MDGA2: variants seen among roughly 807,000 people sequenced by gnomAD.
The protein encoded by MDGA2 is MAM domain containing glycosylphosphatidylinositol anchor 2, also known as MAM domain-containing glycosylphosphatidylinositol anchor protein 2.
MDGA2 carries 40 observed loss-of-function variants against 117.8 expected under a neutral mutation model. That is an observed-to-expected ratio of 0.34 (90% confidence interval 0.26 to 0.44). The LOEUF is 0.44. Among genes scored for constraint, MDGA2 ranks in the 20% least tolerant of loss-of-function variants. The pLI, the probability that MDGA2 is intolerant of heterozygous loss-of-function variation, is 1.00. For missense variants in MDGA2, 1,123 were observed against 1,250.6 expected, an observed-to-expected ratio of 0.90 and a Z score of 1.54; for synonymous variants, 452 against 439.0, an observed-to-expected ratio of 1.03 and a Z score of -0.37.
chr14:47,323,017 A>AGGCT (rs1222737113), intron 1 of MDGA2, among the ~76,000 whole-genome samples: 1 of 151,676 alleles, frequency 6.6e-6, no homozygotes, highest in Non-Finnish European at 1.5e-5. Flanking sequence ...ATGGTGCCTA[A>AGGCT]GGCTCTTTCA....
In MDGA2 at chr14:47,545,747, GA is replaced by G. The variant is rs1015581019; in HGVS notation, c.280+128769del. Among the ~76,000 whole-genome samples the G allele has an allele frequency of 4.6e-5, 7 of 150,574 alleles. No homozygotes were observed. In the East Asian group the frequency reaches 5.9e-4, roughly 13 times the overall value. ...ATCAAGTATTTAATAATGATAATAAGAAAAAAAAACAGCAGCAGTCTCATGT... is the reference window on the plus strand; with the variant it reads ...ATCAAGTATTTAATAATGATAATAAGAAAAAAAACAGCAGCAGTCTCATGT... On this transcript the variant is annotated intron_variant, in intron 1 of 16. Transcript: ENST00000399232.
At chr14:47,624,056 C>T (rs1463808024) in intron 1 of MDGA2, among the ~76,000 whole-genome samples, 1 of 152,202 alleles carries the variant, frequency 6.6e-6, no homozygotes, top group Non-Finnish European at 1.5e-5. Flanking sequence ...ACTGATTTTC[C>T]TTTAATGTCT....
At chr14:47,497,867 A>G (rs534980883) in intron 1 of MDGA2, among the ~76,000 whole-genome samples, 45 of 152,244 alleles carry the variant, frequency 3.0e-4, no homozygotes, top group African/African-American at 1.1e-3. Context: ...CTGTTACCCA[A>G]TCAGTAACTT....
At chr14:46,849,573 G>A (rs1880978432) in intron 15 of MDGA2, among the ~76,000 whole-genome samples, 2 of 151,564 alleles carry the variant, frequency 1.3e-5, no homozygotes, top group African/African-American at 2.4e-5. Flanking sequence ...TAAGTAATGT[G>A]CCTTAGCCAA....
chr14:47,121,300 G>A (rs1207051463), intron 5 of MDGA2, among the ~76,000 whole-genome samples: 1 of 151,998 alleles, frequency 6.6e-6, no homozygotes, highest in East Asian at 1.9e-4. Context: ...CATTAAGAAA[G>A]TAAATATAGA....
chr14:47,350,345 T>C (rs1339308968), intron 1 of MDGA2, among the ~76,000 whole-genome samples: 1 of 152,138 alleles, frequency 6.6e-6, no homozygotes, highest in African/African-American at 2.4e-5. Flanking sequence ...ACAGGGCATT[T>C]TCAAGGGTGG....
At chr14:46,954,513 CA>C (rs1885489983) in intron 9 of MDGA2, among the ~76,000 whole-genome samples, 1 of 151,920 alleles carries the variant, frequency 6.6e-6, no homozygotes, top group Non-Finnish European at 1.5e-5. Context: ...GTAGAGACTC[CA>C]GGGGAGAATA....
intron 1 of MDGA2, among the ~76,000 whole-genome samples, chr14:47,342,133 G>A (rs572736228): frequency 1.1e-4 from 16 of 152,134 alleles, no homozygotes; most frequent in Non-Finnish European, 2.1e-4. Context: ...TTACAGGCGT[G>A]AGCCACTGCG....
chr14:47,262,097 CA>C (rs1439204385), intron 2 of MDGA2, among the ~76,000 whole-genome samples: 1 of 152,086 alleles, frequency 6.6e-6, no homozygotes, highest in Non-Finnish European at 1.5e-5. Context: ...ACTACAAAAC[CA>C]GGCTACGACA....
intron 1 of MDGA2, among the ~76,000 whole-genome samples, chr14:47,352,589 C>T (rs985563548): frequency 1.9e-4 from 29 of 152,154 alleles, no homozygotes; most frequent in African/African-American, 6.8e-4. Context: ...GACTTGCTCA[C>T]CTAATCTCAT....
intron 1 of MDGA2, among the ~76,000 whole-genome samples, chr14:47,557,052 T>A (rs1895697789): frequency 6.6e-6 from 1 of 152,154 alleles, no homozygotes; most frequent in African/African-American, 2.4e-5. Flanking sequence ...CATAGCTTCT[T>A]TGGGAGGGAA....
chr14:47,003,432 G>A (rs1198076271), intron 8 of MDGA2, among the ~76,000 whole-genome samples: 5 of 151,780 alleles, frequency 3.3e-5, no homozygotes, highest in African/African-American at 1.2e-4. Context: ...TTCAACAGCA[G>A]AGCATGTTAA....
At chr14:46,988,835 G>A (rs986595404) in intron 8 of MDGA2, among the ~76,000 whole-genome samples, 1 of 151,862 alleles carries the variant, frequency 6.6e-6, no homozygotes, top group African/African-American at 2.4e-5. Flanking sequence ...ATTTTCAACT[G>A]TTTCTCCACC....
intron 15 of MDGA2, among the ~76,000 whole-genome samples, chr14:46,853,209 A>G (rs1881131328): frequency 6.6e-6 from 1 of 151,964 alleles, no homozygotes; most frequent in Non-Finnish European, 1.5e-5. Flanking sequence ...TAAATTAGAC[A>G]TTGCAGAAGA....
chr14:47,069,530 A>T (rs180805674), intron 6 of MDGA2, among the ~76,000 whole-genome samples: 1 of 152,338 alleles, frequency 6.6e-6, no homozygotes, highest in Admixed American at 6.5e-5. Flanking sequence ...GACTGTTCTC[A>T]TTCACATCAC....
rs1001003979 is a variant in MDGA2, at chr14:47,301,390, G to C, written c.420+21C>G. On this transcript the variant is annotated intron_variant, in intron 2 of 16. Coordinates refer to ENST00000399232, the MANE Select transcript of MDGA2 (RefSeq NM_001113498.3). ...GAAAAGTCAGAGAATGTTTTCTCCA[G>C]TGTCACAGTTCGGGACTCACCTGTG... The C allele has an allele frequency of 1.5e-5, 24 of 1,550,214 alleles. No individual in the cohort carries two copies. The African/African-American group carries it at 3.0e-4, about 19-fold the overall frequency.
intron 1 of MDGA2, among the ~76,000 whole-genome samples, chr14:47,328,887 C>G (rs1468974461): frequency 2.0e-5 from 3 of 152,136 alleles, no homozygotes; most frequent in Admixed American, 2.0e-4. Flanking sequence ...GGCACTGCAT[C>G]CCCAAATAAA....
At chr14:47,648,657 G>T (rs1428095283) in intron 1 of MDGA2, among the ~76,000 whole-genome samples, 1 of 148,354 alleles carries the variant, frequency 6.7e-6, no homozygotes, top group Non-Finnish European at 1.5e-5. Flanking sequence ...GCAGACAGGG[G>T]ACCAGGAATG....
intron 9 of MDGA2, among the ~76,000 whole-genome samples, chr14:46,946,679 A>T (rs1056643194): frequency 6.6e-6 from 1 of 152,120 alleles, no homozygotes; most frequent in African/African-American, 2.4e-5. Flanking sequence ...TCTCTGAGAG[A>T]TGACATATAT....
Sources: gnomAD v4.1 joint callset for allele counts (sites outside exome capture counted in the v4.1 genomes callset) on GRCh38, gnomAD v4.1.1 for gene constraint, MANE v1.5 for transcripts, NCBI Gene and HGNC (gene_info 2026-07-23, HGNC 2026-07-21) for gene names.